EFCAB9: variants seen among roughly 807,000 people sequenced by gnomAD.
The protein encoded by EFCAB9 is EF-hand calcium-binding domain-containing protein 9.
EFCAB9 carries 16 observed loss-of-function variants against 15.6 expected under a neutral mutation model. The observed-to-expected ratio is 1.03, with a 90% CI of 0.69 to 1.56. The LOEUF (loss-of-function observed/expected upper bound fraction) is 1.56, where lower values mean the gene tolerates loss of function less well. Among genes scored for constraint, EFCAB9 ranks in the 40% most tolerant of loss-of-function variants. The pLI is 0.00. For missense variants in EFCAB9, 208 were observed against 235.4 expected, an observed-to-expected ratio of 0.88 and a Z score of 0.76; for synonymous variants, 76 against 85.4, an observed-to-expected ratio of 0.89 and a Z score of 0.61.
chr5:172,198,162 T>G (rs1217086730), intron 1 of EFCAB9, among the ~76,000 whole-genome samples: 1 of 152,206 alleles, frequency 6.6e-6, no homozygotes, highest in African/African-American at 2.4e-5. Context: ...CCTCTCAGCA[T>G]GATGCCACTT....
chr5:172,200,466 C>T (rs1771237857), intron 2 of EFCAB9, 100 bp from the exon 3 acceptor site: 3 of 1,255,910 alleles, frequency 2.4e-6, no homozygotes, highest in Non-Finnish European at 3.2e-6. Context: ...GCTTTTAGCT[C>T]TCTAGGGAAG....
intron 2 of EFCAB9, among the ~76,000 whole-genome samples, chr5:172,199,743 G>A (rs1400306059): frequency 4.6e-5 from 7 of 151,984 alleles, no homozygotes; most frequent in East Asian, 1.9e-4. Flanking sequence ...GCCCACCCTC[G>A]TAAAGGACAG....
intron 1 of EFCAB9, among the ~76,000 whole-genome samples, chr5:172,196,007 A>ATGTTGGCCAGGCTAGTCTC (rs755014074): frequency 6.6e-6 from 1 of 151,942 alleles, no homozygotes; most frequent in Admixed American, 6.6e-5. Context: ...GGGTTTCACT[A>ATGTTGGCCAGGCTAGTCTC]TGTTGGCCAG....
At position 172,199,483 on chromosome 5, in the gene EFCAB9, C is replaced by T. The variant is rs755417966; in HGVS notation, c.237C>T (p.Ile79=). 13 of 1,537,204 alleles carry T rather than the reference C, an allele frequency of 8.5e-6. No homozygotes were observed. The highest frequency in any genetic ancestry group is 5.9e-5 in the Admixed American group (3 of 50,968). The change falls in exon 2 of 4, where the codon ATC becomes ATT. Residue 79 remains isoleucine, a synonymous_variant. Coordinates refer to ENST00000398186, the MANE Select transcript of EFCAB9 (RefSeq NM_001171183.2). ...TGGACTGGAACGCTGTGGGCGAGATCGACTTTGAGAAGTTCTACATGCTGG... is the reference window on the plus strand; with the variant it reads ...TGGACTGGAACGCTGTGGGCGAGATTGACTTTGAGAAGTTCTACATGCTGG... ...DMLDWNAVGE[I]DFEKFYMLVC...
Position 172,203,222 on chromosome 5 carries a change from T to G in EFCAB9, c.471T>G (p.Asn157Lys). ...DFDITGDNRL[N>K]YQEFKLYTII... ...CCCCACCCTAACCAAAGCGTCTTAA[T>G]TATCAGGAATTTAAGCTGTATACAA... Residue 157 changes from asparagine (N) to lysine (K), a missense_variant, in exon 4 of 4, where the codon AAT becomes AAG. By Grantham distance (94) the Asn-to-Lys change is moderately conservative (BLOSUM62 0). Transcript: ENST00000398186. 6.6e-7 allele frequency: 1 copy of G among 1,520,846 alleles called. No individual in the cohort carries two copies. Among genetic ancestry groups the G allele is most frequent in the South Asian group, 1.2e-5 (1 of 80,924 alleles). The allele number at this position is 1,520,846 out of a possible 1,614,324, so 94.2% of individuals were successfully genotyped here.
At chr5:172,199,310 C>T in intron 1 of EFCAB9, 73 bp from the exon 2 acceptor site, 3 of 1,470,788 alleles carry the variant, frequency 2.0e-6, no homozygotes, top group Non-Finnish European at 2.7e-6. Context: ...CTACCATTTA[C>T]ATGGCTTCTA....
At chr5:172,199,589 T>A in intron 2 of EFCAB9, 58 bp downstream of exon 2, 1 of 1,522,268 alleles carries the variant, frequency 6.6e-7, no homozygotes. Flanking sequence ...GAATTAGGAA[T>A]GCATCAGAAG....
chr5:172,201,408 G>A (rs533117486), intron 3 of EFCAB9, among the ~76,000 whole-genome samples: 53 of 152,068 alleles, frequency 3.5e-4, no homozygotes, highest in Non-Finnish European at 4.9e-4. Flanking sequence ...TTAGCCAGGC[G>A]TGGTGGCAGG....
At position 172,199,545 on chromosome 5, in the gene EFCAB9, C is replaced by A; in HGVS notation, c.285+14C>A. 1 of 1,536,512 alleles carries A rather than the reference C, an allele frequency of 6.5e-7. No individual in the cohort carries two copies. Among genetic ancestry groups the A allele is most frequent in the African/African-American group, 1.4e-5 (1 of 73,130 alleles). ...CTGGCCCACCAGGCAAGTAGCCGCG[C>A]GGCTGCTGCCATCCTCTTGCTAATG... On this transcript the variant is annotated intron_variant, in intron 2 of 3. Transcript: ENST00000398186.
chr5:172,194,377 C>G, intron 1 of EFCAB9, 69 bp downstream of exon 1: 2 of 1,488,088 alleles, frequency 1.3e-6, no homozygotes, highest in Non-Finnish European at 1.8e-6. Flanking sequence ...AGAAAACTTG[C>G]AGAGCCAGAA....
Position 172,203,366 on chromosome 5 carries a change from G to T in EFCAB9, c.*21G>T. 1 of 1,517,448 alleles carries T rather than the reference G, an allele frequency of 6.6e-7. No homozygotes were observed. Among genetic ancestry groups the T allele is most frequent in the South Asian group, 1.2e-5 (1 of 81,198 alleles). The allele number at this position is 1,517,448 out of a possible 1,614,324, so 94.0% of individuals were successfully genotyped here. On this transcript the variant is annotated 3_prime_UTR_variant, in exon 4 of 4. Transcript: ENST00000398186. ...AGTAGATACAAGCTGAAAGAGTCTT[G>T]GAAAAAAATGGGATCTGAAAGTACA...
chr5:172,200,750 CA>C lies in EFCAB9; in HGVS notation c.462+9del. 6.5e-7 allele frequency: 1 copy of C among 1,533,194 alleles called. No homozygotes were observed. Among genetic ancestry groups the C allele is most frequent in the Non-Finnish European group, 8.7e-7 (1 of 1,144,374 alleles). The allele number at this position is 1,533,194 out of a possible 1,614,324, so 95.0% of individuals were successfully genotyped here. A position where few individuals can be genotyped will look rare whatever the true frequency, so the allele number is the denominator to read the frequency against. On this transcript the variant is annotated intron_variant, in intron 3 of 3. Transcript: ENST00000398186. ...GACATTACAGGTGACAATGTAAGTA[CA>C]GATCCAAAATGTGGCATGTGTGTGG...
Position 172,201,951 on chromosome 5 carries a change from C to T in EFCAB9, c.462+1209C>T, listed in dbSNP as rs1055033010. Reference sequence around the variant, plus strand: ...GGCAGCTAAGGTTGAAAACAATGATCACACTGTGAACAACCTTAGATGCCA... The same window carrying T: ...GGCAGCTAAGGTTGAAAACAATGATTACACTGTGAACAACCTTAGATGCCA... On this transcript the variant is annotated intron_variant, in intron 3 of 3. Transcript: ENST00000398186. Among the ~76,000 whole-genome samples, 11 of 152,198 alleles carry T rather than the reference C, an allele frequency of 7.2e-5. No individual in the cohort carries two copies. In the South Asian group the frequency reaches 2.1e-3, roughly 29 times the overall value.
chr5:172,196,992 A>G (rs1426630519), intron 1 of EFCAB9, among the ~76,000 whole-genome samples: 1 of 152,214 alleles, frequency 6.6e-6, no homozygotes, highest in Non-Finnish European at 1.5e-5. Context: ...AATGTGTATG[A>G]TTAAATATGC....
intron 3 of EFCAB9, among the ~76,000 whole-genome samples, chr5:172,201,423 T>G (rs1319498890): frequency 6.6e-6 from 1 of 151,992 alleles, no homozygotes. Context: ...GGCAGGTGCC[T>G]GTAATCCCAG....
At chr5:172,195,414 T>TA (rs1298819749) in intron 1 of EFCAB9, among the ~76,000 whole-genome samples, 1 of 152,148 alleles carries the variant, frequency 6.6e-6, no homozygotes, top group Non-Finnish European at 1.5e-5. Context: ...TAAAAACAAT[T>TA]AAAAAAGAAC....
intron 1 of EFCAB9, among the ~76,000 whole-genome samples, chr5:172,195,072 C>A (rs1771136156): frequency 6.6e-6 from 1 of 152,014 alleles, no homozygotes; most frequent in Non-Finnish European, 1.5e-5. Context: ...GACCCCTCAG[C>A]AAGATTTATC....
intron 3 of EFCAB9, 98 bp downstream of exon 3, chr5:172,200,840 G>A: frequency 5.5e-6 from 7 of 1,261,332 alleles, no homozygotes; most frequent in Non-Finnish European, 7.4e-6. Flanking sequence ...GAGAGGAGGA[G>A]GGAGGGAAAA....
intron 3 of EFCAB9, among the ~76,000 whole-genome samples, chr5:172,202,371 A>G (rs998870442): frequency 8.0e-5 from 12 of 149,424 alleles, no homozygotes; most frequent in Non-Finnish European, 1.5e-4. Flanking sequence ...GTAATGGCAA[A>G]AGCCGCAATT....
Sources: gnomAD v4.1 joint callset for allele counts (sites outside exome capture counted in the v4.1 genomes callset) on GRCh38, gnomAD v4.1.1 for gene constraint, MANE v1.5 for transcripts, NCBI Gene and HGNC (gene_info 2026-07-23, HGNC 2026-07-21) for gene names.